Variants in CSMD1 observed in about 807,000 individuals in gnomAD.
CSMD1 encodes the protein CUB and Sushi multiple domains 1.
A neutral mutation model predicts 417.5 loss-of-function variants in CSMD1; 213 were observed. That is an observed-to-expected ratio of 0.51 (90% CI 0.46 to 0.57). CSMD1 has a LOEUF of 0.57. Ranked by LOEUF, CSMD1 falls within the 20% of genes least tolerant of loss-of-function variation. The pLI is 0.00. For synonymous variants in CSMD1, 2,862 were observed against 1,736.8 expected, an observed-to-expected ratio of 1.65 and a Z score of -16.11; for missense variants, 6,923 against 4,529.7, an observed-to-expected ratio of 1.53 and a Z score of -15.17.
rs199772674 is a variant in CSMD1 at position 4,129,098 on chromosome 8, C to T, written c.416-96999G>A. ...TCAAAAAAAAAAAAAAAAAACAAAA[C>T]AAAAAAAACAGAATTTTTATTGTTG... On this transcript the variant is annotated intron_variant, in intron 3 of 69. Transcript: ENST00000635120. 1.0e-3 allele frequency among the ~76,000 whole-genome samples: 142 copies of T among 139,744 alleles called. 3 individuals are homozygous for T. The East Asian group carries it at 0.029, about 29-fold the overall frequency. The allele number at this position is 139,744 out of a possible 152,430, so 91.7% of individuals were successfully genotyped here. A position where few individuals can be genotyped will look rare whatever the true frequency, so the allele number is the denominator to read the frequency against.
chr8:4,774,301 T>C (rs536835707), intron 1 of CSMD1, among the ~76,000 whole-genome samples: 1 of 152,210 alleles, frequency 6.6e-6, no homozygotes, highest in Non-Finnish European at 1.5e-5. Flanking sequence ...CTTACTTTCC[T>C]GAGCAAGTTA....
At chr8:4,033,147 A>C (rs1010762509) in intron 3 of CSMD1, among the ~76,000 whole-genome samples, 1 of 150,262 alleles carries the variant, frequency 6.7e-6, no homozygotes, top group Non-Finnish European at 1.5e-5. Flanking sequence ...AAAAAAAAAA[A>C]AAAAAAAACC....
At chr8:4,994,208 T>G in intron 1 of CSMD1, 124 bp downstream of exon 1, 1 of 796,130 alleles carries the variant, frequency 1.3e-6, no homozygotes, top group Non-Finnish European at 2.0e-6. Flanking sequence ...GCTTCGGCGA[T>G]GGAGCAGCGC....
chr8:3,228,204 C>G (rs532510996), intron 27 of CSMD1, among the ~76,000 whole-genome samples: 7 of 152,118 alleles, frequency 4.6e-5, no homozygotes, highest in African/African-American at 1.4e-4. Context: ...TATAAAATGT[C>G]TTCAGTAAAA....
At chr8:3,401,104 T>C (rs1444220923) in intron 15 of CSMD1, among the ~76,000 whole-genome samples, 1 of 151,866 alleles carries the variant, frequency 6.6e-6, no homozygotes, top group African/African-American at 2.4e-5. Flanking sequence ...CTTTTATGAA[T>C]ACAACATAAG....
At chr8:4,867,063 A>G (rs1802460774) in intron 1 of CSMD1, among the ~76,000 whole-genome samples, 1 of 152,058 alleles carries the variant, frequency 6.6e-6, no homozygotes, top group Non-Finnish European at 1.5e-5. Context: ...AGCCATACAG[A>G]AAGTAATATT....
intron 7 of CSMD1, among the ~76,000 whole-genome samples, chr8:3,691,705 A>T (rs1800252790): frequency 6.6e-6 from 1 of 152,196 alleles, no homozygotes; most frequent in East Asian, 1.9e-4. Flanking sequence ...AACAAATAAA[A>T]CCCTATAAGG....
At chr8:3,051,891 T>C (rs1001946359) in intron 50 of CSMD1, among the ~76,000 whole-genome samples, 101 of 152,306 alleles carry the variant, frequency 6.6e-4, no homozygotes, top group African/African-American at 2.3e-3. Flanking sequence ...TTTCAGAAAG[T>C]ACTCCAATTT....
chr8:3,949,263 C>T (rs1367372461), intron 5 of CSMD1, among the ~76,000 whole-genome samples: 1 of 152,096 alleles, frequency 6.6e-6, no homozygotes, highest in African/African-American at 2.4e-5. Flanking sequence ...ATGTTATCAA[C>T]TACAGCTATC....
chr8:3,900,421 G>A (rs1453842845), intron 5 of CSMD1, among the ~76,000 whole-genome samples: 5 of 151,450 alleles, frequency 3.3e-5, no homozygotes, highest in Non-Finnish European at 5.9e-5. Flanking sequence ...GCAGCTGGGT[G>A]ACAGTGTAGC....
chr8:3,030,429 G>A (rs1434160500), intron 50 of CSMD1, among the ~76,000 whole-genome samples: 2 of 151,716 alleles, frequency 1.3e-5, no homozygotes, highest in African/African-American at 4.8e-5. Context: ...TAACTGGAGA[G>A]ACTATAGCTA....
intron 9 of CSMD1, among the ~76,000 whole-genome samples, chr8:3,575,452 G>A (rs917195168): frequency 6.6e-6 from 1 of 152,108 alleles, no homozygotes; most frequent in African/African-American, 2.4e-5. Flanking sequence ...AATTGTGTGC[G>A]ACTGCAGTAA....
intron 3 of CSMD1, among the ~76,000 whole-genome samples, chr8:4,103,887 T>C (rs375366895): frequency 6.6e-6 from 1 of 152,220 alleles, no homozygotes; most frequent in African/African-American, 2.4e-5. Context: ...AGTTAATATT[T>C]GTTCTCTCCA....
intron 3 of CSMD1, among the ~76,000 whole-genome samples, chr8:4,367,122 G>A (rs1040369302): frequency 7.2e-5 from 11 of 152,058 alleles, no homozygotes; most frequent in African/African-American, 2.7e-4. Context: ...GTTTACCAAG[G>A]CCAATGTTCA....
chr8:4,011,001 GA>G (rs1267847205), intron 4 of CSMD1, among the ~76,000 whole-genome samples: 6 of 152,146 alleles, frequency 3.9e-5, no homozygotes, highest in Non-Finnish European at 7.3e-5. Context: ...CTTTCTGGGG[GA>G]TGACTGTTTC....
rs116149649 is a variant in CSMD1 at position 4,236,605 on chromosome 8, G to A, written c.415+183348C>T. ...AATGAGCTGACAAATTTAAGCTTAG[G>A]TTCTAAACCTACCTCTTAAAAGAAT... On this transcript the variant is annotated intron_variant, in intron 3 of 69. Transcript: ENST00000635120. Among the ~76,000 whole-genome samples the A allele has an allele frequency of 2.4e-3, 373 of 152,258 alleles. 4 individuals are homozygous for A. The highest frequency in any genetic ancestry group is 8.4e-3 in the African/African-American group (348 of 41,542).
chr8:4,458,330 T>C (rs935918246), intron 2 of CSMD1, among the ~76,000 whole-genome samples: 1 of 152,178 alleles, frequency 6.6e-6, no homozygotes. Context: ...AGGGATCGAT[T>C]AGCTGAAAGT....
chr8:4,324,219 G>T (rs1167406273), intron 3 of CSMD1, among the ~76,000 whole-genome samples: 1 of 152,226 alleles, frequency 6.6e-6, no homozygotes, highest in African/African-American at 2.4e-5. Context: ...AATGTATGAT[G>T]CATCTGCAGA....
chr8:3,970,374 C>A lies in CSMD1; in HGVS notation c.818+27529G>T, dbSNP rs1409097590. ...CAGCAGCTCATTTTGCAACTCCGAC[C>A]AAACAGTAAATCTGAAACGAGATTG... On this transcript the variant is annotated intron_variant, in intron 5 of 69. Coordinates refer to ENST00000635120, the MANE Select transcript of CSMD1 (RefSeq NM_033225.6). 2.0e-5 allele frequency among the ~76,000 whole-genome samples: 3 copies of A among 152,250 alleles called. No individual in the cohort carries two copies. In the East Asian group the frequency reaches 5.8e-4, roughly 29 times the overall value.
Sources: gnomAD v4.1 joint callset for allele counts (sites outside exome capture counted in the v4.1 genomes callset) on GRCh38, gnomAD v4.1.1 for gene constraint, MANE v1.5 for transcripts, NCBI Gene and HGNC (gene_info 2026-07-23, HGNC 2026-07-21) for gene names.